NR6A1: variants seen among roughly 807,000 people sequenced by gnomAD.
The protein encoded by NR6A1 is retinoic acid receptor-related testis-associated receptor.
In NR6A1, 7 loss-of-function variants were observed where a neutral mutation model predicts 59.1. The ratio of observed to expected loss-of-function variants is 0.12; its 90% confidence interval spans 0.07 to 0.22. NR6A1 has a LOEUF of 0.22. NR6A1 is among the 10% of genes least tolerant of loss of function. The pLI is 1.00. For missense variants in NR6A1, 468 were observed against 611.6 expected, an observed-to-expected ratio of 0.77 and a Z score of 2.48; for synonymous variants, 243 against 236.1, an observed-to-expected ratio of 1.03 and a Z score of -0.27.
At chr9:124,538,638 A>C (rs990136297) in intron 5 of NR6A1, among the ~76,000 whole-genome samples, 2 of 152,200 alleles carry the variant, frequency 1.3e-5, no homozygotes, top group Admixed American at 1.3e-4. Context: ...AGATACTTGT[A>C]GACTATGATG....
chr9:124,595,630 C>A, intron 2 of NR6A1: 1 of 460,440 alleles, frequency 2.2e-6, no homozygotes, highest in Non-Finnish European at 4.2e-6. Context: ...CTGAACTCTG[C>A]GAAGACACAA....
At chr9:124,707,740 T>C (rs778273131) in intron 2 of NR6A1, among the ~76,000 whole-genome samples, 8 of 152,166 alleles carry the variant, frequency 5.3e-5, no homozygotes, top group Non-Finnish European at 8.8e-5. Context: ...GTGTAGTTCC[T>C]GATGGCTCCG....
chr9:124,562,361 A>G (rs778680368), intron 2 of NR6A1, among the ~76,000 whole-genome samples: 2 of 152,216 alleles, frequency 1.3e-5, no homozygotes, highest in Non-Finnish European at 2.9e-5. Context: ...ATTATTAGAA[A>G]AAAGGTAACA....
At chr9:124,752,334 A>G (rs1840525833) in intron 1 of NR6A1, among the ~76,000 whole-genome samples, 1 of 152,220 alleles carries the variant, frequency 6.6e-6, no homozygotes, top group Non-Finnish European at 1.5e-5. Flanking sequence ...AAAAGTTTTA[A>G]AGATAAAATC....
chr9:124,548,458 T>G (rs1833669109), intron 3 of NR6A1, among the ~76,000 whole-genome samples: 1 of 152,236 alleles, frequency 6.6e-6, no homozygotes, highest in East Asian at 1.9e-4. Context: ...CTGGGCAACA[T>G]GCTGAAAACT....
rs564630763 is a variant in NR6A1, at chr9:124,519,030, C to G, written c.*3675G>C. Reference sequence around the variant, plus strand: ...GTCTGTCTCCATCAGTCCCATTCCCCCAGGAAATCAAGAACAAACAAACAA... The same window carrying G: ...GTCTGTCTCCATCAGTCCCATTCCCGCAGGAAATCAAGAACAAACAAACAA... On this transcript the variant is annotated 3_prime_UTR_variant, in exon 10 of 10. Coordinates refer to ENST00000487099, the MANE Select transcript of NR6A1 (RefSeq NM_033334.4). 6.6e-6 allele frequency: 1 copy of G among 152,278 alleles called. No homozygotes were observed. Among genetic ancestry groups the G allele is most frequent in the Non-Finnish European group, 1.5e-5 (1 of 68,062 alleles). The allele number at this position is 152,278 out of a possible 1,614,324, so 9.4% of individuals were successfully genotyped here.
At chr9:124,730,817 T>C (rs1352669187) in intron 2 of NR6A1, among the ~76,000 whole-genome samples, 1 of 152,182 alleles carries the variant, frequency 6.6e-6, no homozygotes, top group East Asian at 1.9e-4. Flanking sequence ...AAAAAGAGAA[T>C]ACATTTGGGT....
intron 2 of NR6A1, among the ~76,000 whole-genome samples, chr9:124,589,719 T>A (rs189499373): frequency 2.3e-4 from 35 of 152,262 alleles, no homozygotes; most frequent in Admixed American, 9.2e-4. Flanking sequence ...TAATATACCA[T>A]AAATAAATAT....
At chr9:124,757,709 T>C (rs1840673413) in intron 1 of NR6A1, among the ~76,000 whole-genome samples, 1 of 152,194 alleles carries the variant, frequency 6.6e-6, no homozygotes, top group Non-Finnish European at 1.5e-5. Flanking sequence ...AAATATACGA[T>C]GCAGCTGTAT....
intron 2 of NR6A1, among the ~76,000 whole-genome samples, chr9:124,670,867 T>C (rs934729418): frequency 2.0e-5 from 3 of 152,126 alleles, no homozygotes; most frequent in Admixed American, 2.0e-4. Context: ...TTGGGAAGAC[T>C]GGAAGCAAGG....
At chr9:124,532,818 C>A (rs542206789) in intron 7 of NR6A1, among the ~76,000 whole-genome samples, 79 of 152,306 alleles carry the variant, frequency 5.2e-4, no homozygotes, top group Non-Finnish European at 1.0e-3. Context: ...TGAAATGTGG[C>A]TGGTGCAAAT....
At chr9:124,760,210 G>A (rs1313158913) in intron 1 of NR6A1, among the ~76,000 whole-genome samples, 1 of 151,864 alleles carries the variant, frequency 6.6e-6, no homozygotes, top group Non-Finnish European at 1.5e-5. Context: ...TGCTCCAGGG[G>A]CTGAAGCAGG....
At chr9:124,606,821 C>T (rs549254760) in intron 2 of NR6A1, among the ~76,000 whole-genome samples, 2 of 152,310 alleles carry the variant, frequency 1.3e-5, no homozygotes, top group African/African-American at 4.8e-5. Context: ...CCATGGGCAC[C>T]TCCCTGTCAA....
intron 2 of NR6A1, among the ~76,000 whole-genome samples, chr9:124,708,857 C>A (rs1245903674): frequency 6.6e-6 from 1 of 152,150 alleles, no homozygotes; most frequent in East Asian, 1.9e-4. Flanking sequence ...TGATTAAGCC[C>A]ATCAGCATGC....
chr9:124,609,466 A>G (rs1281846411), intron 2 of NR6A1, among the ~76,000 whole-genome samples: 1 of 152,064 alleles, frequency 6.6e-6, no homozygotes, highest in Non-Finnish European at 1.5e-5. Context: ...CCATTGGTCT[A>G]TGTGTCTGTT....
intron 2 of NR6A1, among the ~76,000 whole-genome samples, chr9:124,662,364 C>T (rs1837465621): frequency 6.6e-6 from 1 of 152,152 alleles, no homozygotes; most frequent in South Asian, 2.1e-4. Flanking sequence ...TTATGAGTAT[C>T]AACTTTGCTA....
At chr9:124,699,617 C>A (rs959213986) in intron 2 of NR6A1, among the ~76,000 whole-genome samples, 1 of 152,232 alleles carries the variant, frequency 6.6e-6, no homozygotes, top group African/African-American at 2.4e-5. Flanking sequence ...TTAAATATTT[C>A]TTTAAACAGC....
At chr9:124,706,764 C>G (rs1839145970) in intron 2 of NR6A1, among the ~76,000 whole-genome samples, 1 of 152,110 alleles carries the variant, frequency 6.6e-6, no homozygotes, top group Admixed American at 6.5e-5. Context: ...GATCCACCCA[C>G]CTCAGCCTCC....
intron 1 of NR6A1, among the ~76,000 whole-genome samples, chr9:124,760,708 C>A (rs561659024): frequency 7.2e-5 from 11 of 152,152 alleles, no homozygotes; most frequent in African/African-American, 2.7e-4. Flanking sequence ...AGAGTTAAGA[C>A]GATAAATATA....
Sources: allele counts gnomAD v4.1 joint callset (sites outside exome capture counted in the v4.1 genomes callset), GRCh38; gene constraint gnomAD v4.1.1; transcripts MANE v1.5; gene names NCBI Gene and HGNC (gene_info 2026-07-23, HGNC 2026-07-21).